CLIP1: variants seen among roughly 807,000 people sequenced by gnomAD.
CLIP1 encodes the protein CAP-Gly domain-containing linker protein 1.
In CLIP1, 66 loss-of-function variants were observed where a neutral mutation model predicts 161.6. The observed-to-expected ratio is 0.41, with a 90% CI of 0.33 to 0.50. The LOEUF (loss-of-function observed/expected upper bound fraction) is 0.50. CLIP1 is among the 20% of genes least tolerant of loss of function. The pLI, the probability that CLIP1 is intolerant of heterozygous loss-of-function variation, is 0.27. For missense variants in CLIP1, 1,376 were observed against 1,702.0 expected, an observed-to-expected ratio of 0.81 and a Z score of 3.37; for synonymous variants, 598 against 626.2, an observed-to-expected ratio of 0.96 and a Z score of 0.67.
At chr12:122,325,247 G>A (rs781055546) in intron 17 of CLIP1, among the ~76,000 whole-genome samples, 5 of 151,770 alleles carry the variant, frequency 3.3e-5, no homozygotes, top group African/African-American at 7.3e-5. Flanking sequence ...TAGTAGAGAC[G>A]GGGTTTCACC....
intron 20 of CLIP1, among the ~76,000 whole-genome samples, chr12:122,306,685 G>A (rs1950886652): frequency 6.6e-6 from 1 of 152,090 alleles, no homozygotes; most frequent in Non-Finnish European, 1.5e-5. Context: ...TGAGAAAGGA[G>A]ACAAGAAAAG....
At chr12:122,289,805 G>GTTTTTTTTTTTTTTTTTTTTTTT (rs11286847) in intron 20 of CLIP1, among the ~76,000 whole-genome samples, 2 of 136,772 alleles carry the variant, frequency 1.5e-5, no homozygotes. Context: ...CACTGTTAAT[G>GTTTTTTTTTTTTTTTTTTTTTTT]TTTTTTTTTT....
chr12:122,347,784 T>C (rs1428605082), intron 9 of CLIP1, among the ~76,000 whole-genome samples: 2 of 152,152 alleles, frequency 1.3e-5, no homozygotes, highest in African/African-American at 4.8e-5. Context: ...TATTGATAAG[T>C]GAAGTTTATC....
At chr12:122,321,527 T>TC (rs1452920530) in intron 17 of CLIP1, among the ~76,000 whole-genome samples, 3 of 151,818 alleles carry the variant, frequency 2.0e-5, no homozygotes, top group Non-Finnish European at 1.5e-5. Flanking sequence ...ACCTGGCTGT[T>TC]CTTTTTTTTT....
chr12:122,341,424 C>A lies in CLIP1; in HGVS notation c.1780G>T (p.Ala594Ser). ...TTCTCTTTGGAAAGCTTTTCCGTGG[C>A]GGTATACAGAGCCTTTATCTCCTTC... ...HQKEIKALYT[A>S]TEKLSKENES... The change falls in exon 11 of 26, where the codon GCC (alanine) becomes TCC (serine). Residue 594 changes from alanine (A) to serine (S), a missense_variant. Transcript: ENST00000620786. 3 of 1,614,060 alleles carry A rather than the reference C, an allele frequency of 1.9e-6. No individual in the cohort carries two copies. The highest frequency in any genetic ancestry group is 2.5e-6 in the Non-Finnish European group (3 of 1,180,014).
chr12:122,378,261 AT>A (rs1954840306), intron 2 of CLIP1, among the ~76,000 whole-genome samples: 1 of 151,974 alleles, frequency 6.6e-6, no homozygotes. Context: ...TAATTTTTGT[AT>A]TTTTAGTAGA....
At chr12:122,383,238 A>G (rs2136868616) in intron 1 of CLIP1, among the ~76,000 whole-genome samples, 1 of 152,332 alleles carries the variant, frequency 6.6e-6, no homozygotes, top group East Asian at 1.9e-4. Context: ...AAAACCTTTT[A>G]CGGTGACAAA....
In CLIP1 at chr12:122,279,222, C is replaced by A; in HGVS notation, c.3648-77G>T. ...GTGTACAACTGTTCTAGAACAAACA[C>A]ATAATTAATGTTAGTTAATGTAAAA... On this transcript the variant is annotated intron_variant, in intron 21 of 25. Transcript: ENST00000620786. The surrounding 1 kb of genome is among the most constrained non-coding windows in gnomAD (Gnocchi z 4.5). The A allele has an allele frequency of 5.7e-6, 5 of 881,690 alleles. No individual in the cohort carries two copies. The highest frequency in any genetic ancestry group is 2.6e-5 in the Admixed American group (1 of 37,920). 54.6% of individuals were successfully genotyped at this position (881,690 alleles called of 1,614,324 possible).
intron 2 of CLIP1, among the ~76,000 whole-genome samples, chr12:122,379,307 C>CAAAAAA (rs61498384): frequency 8.5e-6 from 1 of 117,062 alleles, no homozygotes; most frequent in Non-Finnish European, 1.8e-5. Flanking sequence ...TACAGCATCT[C>CAAAAAA]AAAAAAAAAA....
intron 1 of CLIP1, among the ~76,000 whole-genome samples, chr12:122,412,265 T>C (rs1053004590): frequency 6.6e-6 from 1 of 151,026 alleles, no homozygotes; most frequent in Non-Finnish European, 1.5e-5. Flanking sequence ...AGTTTTGCCA[T>C]GTTGCCCTGA....
intron 20 of CLIP1, among the ~76,000 whole-genome samples, chr12:122,308,467 A>T (rs1201004525): frequency 6.6e-6 from 1 of 152,066 alleles, no homozygotes; most frequent in Non-Finnish European, 1.5e-5. Context: ...ATTCTTCATG[A>T]CCTCCAGTTT....
chr12:122,368,378 C>T (rs1593179169), intron 3 of CLIP1, among the ~76,000 whole-genome samples: 1 of 152,128 alleles, frequency 6.6e-6, no homozygotes, highest in Admixed American at 6.5e-5. Context: ...TTCCTGTACG[C>T]TCCTGTAAAA....
At chr12:122,408,336 C>T (rs149690744) in intron 1 of CLIP1, among the ~76,000 whole-genome samples, 168 of 151,150 alleles carry the variant, frequency 1.1e-3, no homozygotes, top group African/African-American at 4.0e-3. Context: ...TTTTTTGAGA[C>T]ATTTCTTTAT....
chr12:122,397,547 C>T (rs1250321051), intron 1 of CLIP1, among the ~76,000 whole-genome samples: 2 of 97,688 alleles, frequency 2.0e-5, no homozygotes, highest in African/African-American at 4.3e-5. Flanking sequence ...AGCCAGACTC[C>T]ATCTCCAAAA....
At chr12:122,299,462 C>T (rs1025704150) in intron 20 of CLIP1, among the ~76,000 whole-genome samples, 3 of 151,844 alleles carry the variant, frequency 2.0e-5, no homozygotes, top group Non-Finnish European at 2.9e-5. Flanking sequence ...CACGTGATTG[C>T]GCCAAAGGAT....
At chr12:122,389,758 C>CAAAAAAAAAAAAAAAAAAAAAAAA (rs57168188) in intron 1 of CLIP1, among the ~76,000 whole-genome samples, 1 of 69,316 alleles carries the variant, frequency 1.4e-5, no homozygotes, top group Non-Finnish European at 2.6e-5. Context: ...GATCCTGTCT[C>CAAAAAAAAAAAAAAAAAAAAAAAA]AAAAAAAAAA....
rs763778493 is a variant in CLIP1, at chr12:122,334,631, G to C, written c.2626+17C>G. ...ATATTTTTTAAAGCAATCTGCACAC[G>C]CTCTGGTAAGACATACCTTGCATAC... On this transcript the variant is annotated intron_variant, in intron 13 of 25. Transcript: ENST00000620786. 1.3e-6 allele frequency: 2 copies of C among 1,553,170 alleles called. No homozygotes were observed. Among genetic ancestry groups the C allele is most frequent in the South Asian group, 1.2e-5 (1 of 85,566 alleles).
chr12:122,302,292 G>T (rs1033526887), intron 20 of CLIP1, among the ~76,000 whole-genome samples: 1 of 152,064 alleles, frequency 6.6e-6, no homozygotes, highest in African/African-American at 2.4e-5. Flanking sequence ...AGTAGAGATG[G>T]AGTTTCTCCA....
chr12:122,394,371 C>T (rs745874651), intron 1 of CLIP1, among the ~76,000 whole-genome samples: 30 of 151,450 alleles, frequency 2.0e-4, no homozygotes, highest in Non-Finnish European at 3.5e-4. Context: ...TGCCTATAAT[C>T]CCAGTTACTC....
Sources: gnomAD v4.1 joint callset for allele counts (sites outside exome capture counted in the v4.1 genomes callset) on GRCh38, gnomAD v4.1.1 for gene constraint, Gnocchi (gnomAD v3.1) non-coding constraint, MANE v1.5 for transcripts, NCBI Gene and HGNC (gene_info 2026-07-23, HGNC 2026-07-21) for gene names.